The following PEBP4 variants were observed in gnomAD, a reference collection of about 807,000 sequenced individuals.
The protein encoded by PEBP4 is phosphatidylethanolamine-binding protein 4.
A neutral mutation model predicts 23.9 loss-of-function variants in PEBP4; 22 were observed. The observed-to-expected ratio is 0.92, with a 90% CI of 0.66 to 1.31. The LOEUF (loss-of-function observed/expected upper bound fraction) is 1.31. PEBP4 is among the 40% of genes most tolerant of loss of function. PEBP4 has a pLI of 0.00. For missense variants in PEBP4, 324 were observed against 281.7 expected (o/e 1.15, Z -1.07); for synonymous variants, 112 against 99.3 (o/e 1.13, Z -0.76).
intron 4 of PEBP4, among the ~76,000 whole-genome samples, chr8:22,728,560 C>CT (rs1449922975): frequency 0.11 from 3,209 of 28,596 alleles, 55 homozygotes; most frequent in Middle Eastern, 0.16. Flanking sequence ...TTCTTTCTTT[C>CT]TTCCTTCCTT....
intron 4 of PEBP4, among the ~76,000 whole-genome samples, chr8:22,763,550 A>G (rs978450455): frequency 2.0e-5 from 3 of 152,150 alleles, no homozygotes; most frequent in Admixed American, 2.0e-4. Flanking sequence ...GAGACTTAGC[A>G]TTTCTTTGCC....
intron 2 of PEBP4, among the ~76,000 whole-genome samples, chr8:22,924,029 C>T (rs1809270370): frequency 6.6e-6 from 1 of 152,162 alleles, no homozygotes; most frequent in Non-Finnish European, 1.5e-5. Flanking sequence ...GAGGCTGCCT[C>T]GAAGAGGGGG....
intron 4 of PEBP4, among the ~76,000 whole-genome samples, chr8:22,768,147 A>G (rs1264849401): frequency 1.3e-5 from 2 of 152,142 alleles, no homozygotes; most frequent in African/African-American, 4.8e-5. Context: ...GGGCAAAGAC[A>G]GTGGGGTGTT....
At chr8:22,789,301 C>T (rs889515753) in intron 4 of PEBP4, among the ~76,000 whole-genome samples, 8 of 152,058 alleles carry the variant, frequency 5.3e-5, no homozygotes, top group South Asian at 2.1e-4. Context: ...ATTTTAGAAG[C>T]GGAAATCACC....
intron 4 of PEBP4, among the ~76,000 whole-genome samples, chr8:22,780,100 A>C (rs1805885572): frequency 6.6e-6 from 1 of 151,994 alleles, no homozygotes. Flanking sequence ...AGGTGCTGGG[A>C]CCACAGGCAC....
intron 4 of PEBP4, among the ~76,000 whole-genome samples, chr8:22,795,494 ACAAG>A (rs1806234633): frequency 6.6e-6 from 1 of 152,104 alleles, no homozygotes; most frequent in Non-Finnish European, 1.5e-5. Flanking sequence ...TATTTTTATA[ACAAG>A]AAGTGCAAGT....
chr8:22,746,009 A>G lies in PEBP4; in HGVS notation c.358-18789T>C, dbSNP rs544698035. 1.6e-3 allele frequency among the ~76,000 whole-genome samples: 238 copies of G among 152,350 alleles called. 1 individual carries two copies. Among genetic ancestry groups the G allele is most frequent in the Non-Finnish European group, 2.9e-3 (194 of 68,034 alleles). On this transcript the variant is annotated intron_variant, in intron 4 of 6. Coordinates refer to ENST00000256404, the MANE Select transcript of PEBP4 (RefSeq NM_144962.3). ...TTAGAAAAATATGGGAGAAAGTGAC[A>G]AATGGACTGCTCATGTGTCTGTGGA...
chr8:22,819,384 T>C (rs1806810859), intron 3 of PEBP4, among the ~76,000 whole-genome samples: 1 of 152,168 alleles, frequency 6.6e-6, no homozygotes, highest in Admixed American at 6.5e-5. Context: ...ACAACTTGGA[T>C]ATCACTGTTA....
Position 22,927,822 on chromosome 8 carries a change from C to T in PEBP4, c.-7+1G>A, listed in dbSNP as rs951224700. ...AGGGGCCCACTTGGCAGGATAGAGA[C>T]CTCTGGTTAAGCACAGGGAGAAGGA... On this transcript the variant is annotated splice_donor_variant, in intron 1 of 6. Transcript: ENST00000256404. LOFTEE classifies it low-confidence loss of function (5UTR_SPLICE). The T allele has an allele frequency of 1.1e-5, 16 of 1,453,590 alleles. No individual in the cohort carries two copies. Among genetic ancestry groups the T allele is most frequent in the Non-Finnish European group, 1.5e-5 (16 of 1,068,702 alleles). 90.0% of individuals were successfully genotyped at this position (1,453,590 alleles called of 1,614,324 possible).
chr8:22,815,917 C>G (rs919721418), intron 4 of PEBP4, among the ~76,000 whole-genome samples: 1 of 152,200 alleles, frequency 6.6e-6, no homozygotes, highest in Non-Finnish European at 1.5e-5. Context: ...ATTCTGAAGT[C>G]ATCCCACCCT....
intron 3 of PEBP4, among the ~76,000 whole-genome samples, chr8:22,906,151 C>T (rs1369916822): frequency 6.6e-6 from 1 of 152,136 alleles, no homozygotes; most frequent in Non-Finnish European, 1.5e-5. Context: ...ACCCCTCACT[C>T]TCCAGGGACC....
chr8:22,793,756 C>T (rs1022701787), intron 4 of PEBP4, among the ~76,000 whole-genome samples: 3 of 152,144 alleles, frequency 2.0e-5, no homozygotes, highest in African/African-American at 4.8e-5. Flanking sequence ...ATAACACGCC[C>T]TGCCTTATTT....
chr8:22,754,295 A>G (rs924456076), intron 4 of PEBP4, among the ~76,000 whole-genome samples: 12 of 152,084 alleles, frequency 7.9e-5, no homozygotes, highest in Admixed American at 1.3e-4. Context: ...TTTCTACCTT[A>G]CCTACTGGAC....
At chr8:22,882,473 C>G (rs1204006697) in intron 3 of PEBP4, among the ~76,000 whole-genome samples, 1 of 152,176 alleles carries the variant, frequency 6.6e-6, no homozygotes, top group East Asian at 1.9e-4. Context: ...TGTACCACGA[C>G]TTTTTGTCAT....
intron 3 of PEBP4, among the ~76,000 whole-genome samples, chr8:22,869,619 G>A (rs1365405268): frequency 1.3e-5 from 2 of 152,152 alleles, no homozygotes; most frequent in Non-Finnish European, 2.9e-5. Context: ...ACTGAAGGAG[G>A]CCACAGACTG....
intron 3 of PEBP4, among the ~76,000 whole-genome samples, chr8:22,819,462 T>C (rs549898592): frequency 2.0e-5 from 3 of 152,188 alleles, no homozygotes; most frequent in Non-Finnish European, 4.4e-5. Flanking sequence ...TGAGCTGAGA[T>C]GGGAGACGAG....
chr8:22,795,088 C>T (rs541667571), intron 4 of PEBP4, among the ~76,000 whole-genome samples: 144 of 145,598 alleles, frequency 9.9e-4, no homozygotes, highest in African/African-American at 3.6e-3. Context: ...TATTCTCTCA[C>T]CAGTGCCTAC....
intron 4 of PEBP4, among the ~76,000 whole-genome samples, chr8:22,742,426 C>T (rs1391402246): frequency 6.6e-6 from 1 of 152,190 alleles, no homozygotes; most frequent in Non-Finnish European, 1.5e-5. Flanking sequence ...CCTCTGCCCC[C>T]ATCGGCCTGT....
chr8:22,868,962 A>G (rs576652733), intron 3 of PEBP4, among the ~76,000 whole-genome samples: 1 of 152,296 alleles, frequency 6.6e-6, no homozygotes, highest in South Asian at 2.1e-4. Flanking sequence ...CTCTCTGAGC[A>G]AAAGCCACCA....
Sources: allele counts gnomAD v4.1 joint callset (sites outside exome capture counted in the v4.1 genomes callset), GRCh38; gene constraint gnomAD v4.1.1; transcripts MANE v1.5; gene names NCBI Gene and HGNC (gene_info 2026-07-23, HGNC 2026-07-21).